AFAP1L2: variants seen among roughly 807,000 people sequenced by gnomAD.
AFAP1L2 encodes the protein actin filament-associated protein 1-like 2.
In AFAP1L2, 46 loss-of-function variants were observed where a neutral mutation model predicts 99.3. The observed-to-expected ratio is 0.46, with a 90% CI of 0.37 to 0.59. AFAP1L2 has a LOEUF of 0.59. Among genes scored for constraint, AFAP1L2 ranks in the 20% least tolerant of loss-of-function variants. AFAP1L2 has a pLI of 0.00. For synonymous variants in AFAP1L2, 397 were observed against 419.1 expected, an observed-to-expected ratio of 0.95 and a Z score of 0.64; for missense variants, 959 against 1,034.9, an observed-to-expected ratio of 0.93 and a Z score of 1.01.
At chr10:114,404,294 C>T (rs2058517649) in intron 1 of AFAP1L2, 146 bp downstream of exon 1, 3 of 957,784 alleles carry the variant, frequency 3.1e-6, no homozygotes, top group African/African-American at 1.7e-5. Flanking sequence ...GCCGCTGTCG[C>T]CCCCTCTTAG....
chr10:114,397,333 A>C (rs2057820012), intron 1 of AFAP1L2, among the ~76,000 whole-genome samples: 2 of 152,210 alleles, frequency 1.3e-5, no homozygotes, highest in Admixed American at 1.3e-4. Flanking sequence ...AGTCATATAA[A>C]TAGAATCATT....
intron 18 of AFAP1L2, 110 bp from the exon 19 acceptor site, chr10:114,296,178 GCA>G: frequency 6.9e-7 from 1 of 1,439,200 alleles, no homozygotes; most frequent in South Asian, 1.2e-5. Context: ...ACTATTTTAG[GCA>G]CAGAGGTGAT....
At chr10:114,321,902 A>C (rs2045411686) in intron 5 of AFAP1L2, among the ~76,000 whole-genome samples, 1 of 152,138 alleles carries the variant, frequency 6.6e-6, no homozygotes, top group African/African-American at 2.4e-5. Context: ...TCAATACCTA[A>C]GTGATATAGT....
chr10:114,355,393 C>T (rs180749160), intron 1 of AFAP1L2, among the ~76,000 whole-genome samples: 24 of 152,160 alleles, frequency 1.6e-4, no homozygotes, highest in Admixed American at 3.3e-4. Flanking sequence ...CCACCACGCC[C>T]GGCTCTCCTC....
chr10:114,304,116 A>G (rs1164523785), intron 11 of AFAP1L2, among the ~76,000 whole-genome samples: 1 of 152,196 alleles, frequency 6.6e-6, no homozygotes, highest in Admixed American at 6.5e-5. Context: ...TCTTTCAGCC[A>G]CCAGAGGGCA....
chr10:114,286,898 C>T, the AFAP1L2 span, among the ~76,000 whole-genome samples: 55 of 152,344 alleles, frequency 3.6e-4, no homozygotes, highest in East Asian at 0.01. Context: ...TGGCAATCCA[C>T]AGAAAAGTGT....
intron 1 of AFAP1L2, among the ~76,000 whole-genome samples, chr10:114,345,038 A>C (rs965593167): frequency 6.6e-6 from 1 of 150,638 alleles, no homozygotes; most frequent in Non-Finnish European, 1.5e-5. Flanking sequence ...CGGAGGTTGC[A>C]GTGAGCCGAG....
upstream of AFAP1L2, chr10:114,404,865 T>G: frequency 3.9e-5 from 7 of 178,158 alleles, no homozygotes; most frequent in Non-Finnish European, 5.8e-5. Context: ...TCCAAGATTG[T>G]TCCCACACCC....
chr10:114,383,664 A>T, intron 1 of AFAP1L2, among the ~76,000 whole-genome samples: 1 of 152,218 alleles, frequency 6.6e-6, no homozygotes. Flanking sequence ...ATGCTATTTT[A>T]AATTATTTAA....
Position 114,296,250 on chromosome 10 carries a change from A to G in AFAP1L2, c.2431-182T>C. 3 of 766,176 alleles carry G rather than the reference A, an allele frequency of 3.9e-6. No homozygotes were observed. In the East Asian group the frequency reaches 7.6e-5, roughly 19 times the overall value. 47.5% of individuals were successfully genotyped at this position (766,176 alleles called of 1,614,324 possible). ...AGAGTGCCTATTCAGAGATTTTGAG[A>G]CTGTGGCACAACAGCGAGTGCCTAT... is the stretch of plus-strand genomic sequence containing the variant. On this transcript the variant is annotated intron_variant, in intron 18 of 18. Coordinates refer to ENST00000304129, the MANE Select transcript of AFAP1L2 (RefSeq NM_001001936.3).
chr10:114,286,271 C>T, the AFAP1L2 span: 8 of 1,611,170 alleles, frequency 5.0e-6, no homozygotes, highest in East Asian at 4.5e-5. Flanking sequence ...AGGCCAGGAC[C>T]GGCCACGTAG....
At chr10:114,404,630 C>T (rs1016047161), upstream of AFAP1L2, 6 of 890,490 alleles carry the variant, frequency 6.7e-6, no homozygotes, top group African/African-American at 1.1e-4. Flanking sequence ...CAGGGCTCGC[C>T]CCCAGCGCCC....
the AFAP1L2 span, chr10:114,286,188 G>A: frequency 2.7e-5 from 44 of 1,613,944 alleles, no homozygotes; most frequent in South Asian, 3.6e-4. Context: ...ATTCCCTTCC[G>A]TGGTGGCCCC....
At chr10:114,381,965 A>G (rs2055688961) in intron 1 of AFAP1L2, among the ~76,000 whole-genome samples, 1 of 152,194 alleles carries the variant, frequency 6.6e-6, no homozygotes, top group African/African-American at 2.4e-5. Context: ...GAGATCCCAT[A>G]AAGAGATAGC....
At chr10:114,280,730 C>T in the AFAP1L2 span, 1 of 152,088 alleles carries the variant, frequency 6.6e-6, no homozygotes, top group Non-Finnish European at 1.5e-5. Context: ...GGCAGTTTGG[C>T]AAACTTTGTT....
At chr10:114,296,849 T>C in intron 18 of AFAP1L2, 129 bp downstream of exon 18, 1 of 1,502,324 alleles carries the variant, frequency 6.7e-7, no homozygotes, top group Non-Finnish European at 9.1e-7. Flanking sequence ...TGGCCACTCC[T>C]TGGTGAGTGC....
chr10:114,353,151 A>C (rs1224929648), intron 1 of AFAP1L2, among the ~76,000 whole-genome samples: 1 of 151,964 alleles, frequency 6.6e-6, no homozygotes, highest in African/African-American at 2.4e-5. Flanking sequence ...CAGCCATGGG[A>C]CTCTTCCTGG....
intron 16 of AFAP1L2, among the ~76,000 whole-genome samples, chr10:114,297,752 A>C (rs1325185827): frequency 6.6e-6 from 1 of 152,092 alleles, no homozygotes; most frequent in Non-Finnish European, 1.5e-5. Context: ...TGGCCCATGG[A>C]GGAGGGCTGG....
downstream of AFAP1L2, among the ~76,000 whole-genome samples, chr10:114,290,657 G>A (rs928575995): frequency 6.6e-6 from 1 of 152,184 alleles, no homozygotes; most frequent in Non-Finnish European, 1.5e-5. Flanking sequence ...GGTAGACGGT[G>A]CTAAGCACCC....
Sources: gnomAD v4.1 joint callset for allele counts (sites outside exome capture counted in the v4.1 genomes callset) on GRCh38, gnomAD v4.1.1 for gene constraint, MANE v1.5 for transcripts, NCBI Gene and HGNC (gene_info 2026-07-23, HGNC 2026-07-21) for gene names.